The following DNAH11 variants were observed in gnomAD, a reference collection of about 807,000 sequenced individuals.
The protein encoded by DNAH11 is axonemal beta dynein heavy chain 11.
In DNAH11, 442 loss-of-function variants were observed where a neutral mutation model predicts 526.0. That is an observed-to-expected ratio of 0.84 (90% CI 0.78 to 0.91). DNAH11 has a LOEUF of 0.91. DNAH11 is among the 40% of genes least tolerant of loss of function. DNAH11 has a pLI of 0.00. For synonymous variants in DNAH11, 2,461 were observed against 1,935.9 expected (o/e 1.27, Z -7.12); for missense variants, 6,989 against 5,448.7 (o/e 1.28, Z -8.90).
intron 5 of DNAH11, among the ~76,000 whole-genome samples, chr7:21,562,412 A>T (rs1282534092): frequency 6.6e-6 from 1 of 152,312 alleles, no homozygotes; most frequent in African/African-American, 2.4e-5. Context: ...GGTACTAGAC[A>T]TGTAGTAAGT....
At chr7:21,639,105 G>C in intron 28 of DNAH11, 40 bp downstream of exon 28, 1 of 1,567,834 alleles carries the variant, frequency 6.4e-7, no homozygotes. Flanking sequence ...TACTGTGTTA[G>C]CTGAGGAATG....
At chr7:21,865,228 A>G (rs558957486) in intron 70 of DNAH11, among the ~76,000 whole-genome samples, 20 of 152,328 alleles carry the variant, frequency 1.3e-4, no homozygotes, top group African/African-American at 3.4e-4. Context: ...ATGATGTTCA[A>G]CATATGCTAA....
At chr7:21,732,608 A>C (rs748254200) in intron 45 of DNAH11, among the ~76,000 whole-genome samples, 1 of 152,204 alleles carries the variant, frequency 6.6e-6, no homozygotes, top group East Asian at 1.9e-4. Context: ...GGAGGAGACA[A>C]TTCAACCCCT....
rs1252897948 is a variant in DNAH11, at chr7:21,598,778, C to T, written c.2668-1009C>T. On this transcript the variant is annotated intron_variant, in intron 14 of 81. Coordinates refer to ENST00000409508, the MANE Select transcript of DNAH11 (RefSeq NM_001277115.2). Reference sequence around the variant, plus strand: ...TTTAGATCCCAGTGTGTGTTGTGCCCCTCTATGTGTCCATGTGTTCTCATC... The same window carrying T: ...TTTAGATCCCAGTGTGTGTTGTGCCTCTCTATGTGTCCATGTGTTCTCATC... Among the ~76,000 whole-genome samples the T allele has an allele frequency of 4.6e-5, 7 of 152,192 alleles. No homozygotes were observed. The South Asian group carries it at 1.5e-3, about 32-fold the overall frequency.
intron 59 of DNAH11, 40 bp from the exon 60 acceptor site, chr7:21,787,361 C>T (rs1368790504): frequency 6.4e-7 from 1 of 1,556,998 alleles, no homozygotes. Context: ...TTCTCTGCAG[C>T]CAAAATGGGT....
In DNAH11 at chr7:21,873,486, G is replaced by T; in HGVS notation, c.12180G>T (p.Leu4060=). 5.0e-6 allele frequency: 8 copies of T among 1,613,962 alleles called. No homozygotes were observed. Among genetic ancestry groups the T allele is most frequent in the Non-Finnish European group, 6.8e-6 (8 of 1,179,866 alleles). ...TGCTGGCCAATTTGCATGCCGCCCT[G>T]TACAACTTTGATCAGGTAAGAAAGC... is the stretch of plus-strand genomic sequence containing the variant. ...TGMLANLHAA[L]YNFDQDTLEI... is the part of the protein sequence containing the mutation. Residue 4060 remains leucine (L), a synonymous_variant, in exon 74 of 82, where the codon CTG becomes CTT. Coordinates refer to ENST00000409508, the MANE Select transcript of DNAH11 (RefSeq NM_001277115.2).
At chr7:21,749,613 A>T in intron 52 of DNAH11, 65 bp from the exon 53 acceptor site, 1 of 1,594,608 alleles carries the variant, frequency 6.3e-7, no homozygotes, top group Non-Finnish European at 8.6e-7. Context: ...CCCAGCACTC[A>T]CACACAACCT....
chr7:21,835,922 T>C (rs1781979087), intron 65 of DNAH11, among the ~76,000 whole-genome samples: 1 of 148,550 alleles, frequency 6.7e-6, no homozygotes, highest in Admixed American at 6.7e-5. Context: ...AGTTGTAGGA[T>C]ACAAAATCAA....
At chr7:21,735,405 C>T (rs1028016425) in intron 45 of DNAH11, among the ~76,000 whole-genome samples, 9 of 152,152 alleles carry the variant, frequency 5.9e-5, no homozygotes, top group African/African-American at 2.2e-4. Flanking sequence ...CTTTATGGTA[C>T]TTTGATGGCA....
intron 75 of DNAH11, 93 bp from the exon 76 acceptor site, chr7:21,884,198 G>T (rs1262538773): frequency 1.0e-5 from 12 of 1,148,566 alleles, no homozygotes; most frequent in South Asian, 2.6e-5. Flanking sequence ...GAGGCTTGGA[G>T]GGCATTGTGT....
intron 5 of DNAH11, 49 bp downstream of exon 5, chr7:21,561,219 G>A: frequency 7.3e-7 from 1 of 1,371,722 alleles, no homozygotes; most frequent in Non-Finnish European, 1.0e-6. Flanking sequence ...ATCTGCTCAT[G>A]ATCCAGCCCC....
chr7:21,590,992 C>T lies in DNAH11; in HGVS notation c.2244C>T (p.Ala748=), dbSNP rs747046328. 1 of 1,517,156 alleles carries T rather than the reference C, an allele frequency of 6.6e-7. No homozygotes were observed. The highest frequency in any genetic ancestry group is 2.4e-5 in the Admixed American group (1 of 41,224). The allele number at this position is 1,517,156 out of a possible 1,614,324, so 94.0% of individuals were successfully genotyped here. ...KKQDIPDSAL[A]IFKKRNTILK... is the part of the protein sequence containing the mutation. ...AAGACATACCAGATTCAGCTTTAGC[C>T]ATCTTCAAGAAAAGGAACACTATTT... Residue 748 remains alanine, a synonymous_variant, in exon 13 of 82, where the codon GCC becomes GCT. Transcript: ENST00000409508.
rs768652615 is a variant in DNAH11, at chr7:21,854,351, G to C, written c.11098G>C (p.Glu3700Gln). The C allele has an allele frequency of 8.7e-6, 14 of 1,613,480 alleles. No homozygotes were observed. The Admixed American group carries it at 1.0e-4, about 12-fold the overall frequency. ...EAKENERKIN[E>Q]ARECYRPVAA... is the part of the protein sequence containing the mutation. ...CAAAGAAAATGAAAGAAAAATCAACGAGGCCCGAGAATGTTACAGACCAGT... is the reference window on the plus strand; with the variant it reads ...CAAAGAAAATGAAAGAAAAATCAACCAGGCCCGAGAATGTTACAGACCAGT... Residue 3700 changes from glutamate (E) to glutamine (Q), a missense_variant, in exon 68 of 82, where the codon GAG (glutamate) becomes CAG (glutamine). By Grantham distance (29) the Glu-to-Gln change is conservative. Coordinates refer to ENST00000409508, the MANE Select transcript of DNAH11 (RefSeq NM_001277115.2).
chr7:21,854,940 A>T (rs980417455), intron 68 of DNAH11, among the ~76,000 whole-genome samples: 1 of 152,072 alleles, frequency 6.6e-6, no homozygotes, highest in Admixed American at 6.6e-5. Context: ...AGGAATTTTC[A>T]TTTATAATTT....
rs1370011741 is a variant in DNAH11, at chr7:21,867,924, C to A, written c.11756C>A (p.Ala3919Glu). 8 of 1,578,502 alleles carry A rather than the reference C, an allele frequency of 5.1e-6. No individual in the cohort carries two copies. Among genetic ancestry groups the A allele is most frequent in the African/African-American group, 1.3e-5 (1 of 74,134 alleles). ...VERTRLDLVKAFEESSPATPI... is the reference protein window; with the variant it reads ...VERTRLDLVKEFEESSPATPI... The stretch of plus-strand genomic sequence containing the variant: ...AGGACCAGATTGGACTTAGTTAAAG[C>A]ATTCGAAGAAAGCAGCCCAGCCACC... The change falls in exon 72 of 82, where the codon GCA (alanine) becomes GAA (glutamate). Residue 3919 changes from alanine to glutamate, a missense_variant. By Grantham distance (107) the Ala-to-Glu change is moderately radical. Transcript: ENST00000409508.
At chr7:21,746,182 C>G (rs547198995) in intron 51 of DNAH11, among the ~76,000 whole-genome samples, 1 of 152,274 alleles carries the variant, frequency 6.6e-6, no homozygotes, top group Admixed American at 6.5e-5. Flanking sequence ...GAAAGTTGAT[C>G]ACATGTTTAC....
intron 6 of DNAH11, among the ~76,000 whole-genome samples, chr7:21,567,501 T>G (rs1225508295): frequency 6.6e-6 from 1 of 152,208 alleles, no homozygotes; most frequent in Non-Finnish European, 1.5e-5. Context: ...TGGATAGATC[T>G]CATTTAAATG....
chr7:21,575,469 A>G (rs1172971209), intron 8 of DNAH11, among the ~76,000 whole-genome samples: 2 of 152,138 alleles, frequency 1.3e-5, no homozygotes, highest in African/African-American at 4.8e-5. Flanking sequence ...TTCTGCTGTC[A>G]CTCACTGAAC....
chr7:21,864,483 G>A (rs1458046786), intron 69 of DNAH11, 52 bp from the exon 70 acceptor site: 21 of 1,582,504 alleles, frequency 1.3e-5, no homozygotes, highest in Admixed American at 3.4e-5. Flanking sequence ...CTTCCTGTGT[G>A]ACGATTTTCA....
Sources: gnomAD v4.1 joint callset for allele counts (sites outside exome capture counted in the v4.1 genomes callset) on GRCh38, gnomAD v4.1.1 for gene constraint, MANE v1.5 for transcripts, NCBI Gene and HGNC (gene_info 2026-07-23, HGNC 2026-07-21) for gene names.